KCNN2: variants seen among roughly 807,000 people sequenced by gnomAD.
The protein encoded by KCNN2 is potassium calcium-activated channel subfamily N member 2.
Under a neutral mutation model 55.5 loss-of-function variants are expected in KCNN2, and 24 were observed. That is an observed-to-expected ratio of 0.43 (90% CI 0.31 to 0.61). KCNN2 has a LOEUF of 0.61. Among genes scored for constraint, KCNN2 ranks in the 20% least tolerant of loss-of-function variants. KCNN2 has a pLI of 0.08. For synonymous variants in KCNN2, 431 were observed against 336.1 expected (o/e 1.28, Z -3.09); for missense variants, 754 against 853.6 (o/e 0.88, Z 1.45).
chr5:114,174,884 T>C (rs1216312982), intron 1 of KCNN2, among the ~76,000 whole-genome samples: 2 of 152,192 alleles, frequency 1.3e-5, no homozygotes, highest in Non-Finnish European at 2.9e-5. Flanking sequence ...AAATTATCAT[T>C]TGAGCCCTTA....
At chr5:114,115,344 G>T (rs1207060311) in intron 1 of KCNN2, among the ~76,000 whole-genome samples, 1 of 151,966 alleles carries the variant, frequency 6.6e-6, no homozygotes, top group Non-Finnish European at 1.5e-5. Context: ...TGCTTTTACT[G>T]CTCCTCAGAC....
At chr5:114,298,882 C>G (rs1756092062) in intron 2 of KCNN2, among the ~76,000 whole-genome samples, 1 of 152,074 alleles carries the variant, frequency 6.6e-6, no homozygotes, top group African/African-American at 2.4e-5. Flanking sequence ...TGGGGAATCT[C>G]TGTAACAGGC....
chr5:114,144,117 T>G (rs1394476826), intron 1 of KCNN2, among the ~76,000 whole-genome samples: 1 of 152,242 alleles, frequency 6.6e-6, no homozygotes, highest in Admixed American at 6.5e-5. Context: ...CTTGCTTATG[T>G]CTAAACTTAA....
At chr5:114,491,598 C>A (rs527929877) in intron 6 of KCNN2, among the ~76,000 whole-genome samples, 1 of 140,140 alleles carries the variant, frequency 7.1e-6, no homozygotes, top group Non-Finnish European at 1.5e-5. Context: ...TGATGTTTTT[C>A]TTGCAGTAAT....
At chr5:114,487,280 T>A in intron 6 of KCNN2, 103 bp downstream of exon 6, 1 of 1,007,666 alleles carries the variant, frequency 9.9e-7, no homozygotes, top group Non-Finnish European at 1.5e-6. Flanking sequence ...GAAAACATTG[T>A]CATGTTTATT....
intron 6 of KCNN2, among the ~76,000 whole-genome samples, chr5:114,488,179 T>C (rs568759192): frequency 6.6e-6 from 1 of 152,288 alleles, no homozygotes; most frequent in South Asian, 2.1e-4. Flanking sequence ...TAAATAGATA[T>C]CACTGAAAAT....
intron 2 of KCNN2, among the ~76,000 whole-genome samples, chr5:114,292,624 G>A (rs540453461): frequency 6.3e-4 from 96 of 152,222 alleles, no homozygotes; most frequent in Admixed American, 2.3e-3. Context: ...GTCAGGTAGC[G>A]TGATGCTTCC....
chr5:114,245,319 A>G (rs892580439), intron 2 of KCNN2, among the ~76,000 whole-genome samples: 1 of 152,246 alleles, frequency 6.6e-6, no homozygotes, highest in Middle Eastern at 3.2e-3. Flanking sequence ...GAATGTTAGC[A>G]GGATTATTGA....
intron 5 of KCNN2, among the ~76,000 whole-genome samples, chr5:114,477,090 G>T (rs997809983): frequency 1.4e-5 from 1 of 73,224 alleles, no homozygotes; most frequent in African/African-American, 3.2e-5. Flanking sequence ...CAAACTCAAG[G>T]TTACTACATA....
chr5:114,412,434 C>CT (rs144482555), intron 3 of KCNN2, among the ~76,000 whole-genome samples: 1 of 99,494 alleles, frequency 1.0e-5, no homozygotes, highest in Non-Finnish European at 1.9e-5. Flanking sequence ...GTGATCAACT[C>CT]TGTATCTTAA....
intron 5 of KCNN2, among the ~76,000 whole-genome samples, chr5:114,485,084 T>G (rs934856977): frequency 4.6e-5 from 7 of 152,198 alleles, no homozygotes; most frequent in African/African-American, 1.7e-4. Context: ...ACTTTAGAAA[T>G]AATTTGGCAT....
intron 1 of KCNN2, among the ~76,000 whole-genome samples, chr5:114,159,797 G>A (rs917916368): frequency 6.6e-6 from 1 of 152,204 alleles, no homozygotes; most frequent in African/African-American, 2.4e-5. Flanking sequence ...GCGTAGAGGT[G>A]TTTATAGTAT....
chr5:114,363,107 A>T lies in KCNN2; in HGVS notation c.968A>T (p.Lys323Ile). The change falls in exon 1 of 8, where the codon AAA (lysine) becomes ATA (isoleucine). Residue 323 changes from lysine to isoleucine, a missense_variant. By Grantham distance (102) the Lys-to-Ile change is moderately radical (BLOSUM62 -3). This residue lies in a region of KCNN2 where 381 missense variants were observed against 259.1 expected (regional missense o/e 1.47). Transcript: ENST00000673685. ...HGSSSGTKSS[K>I]KKNQNIGYKL... ...AGCAGCAGTGGCACCAAGTCCAGCA[A>T]AAAGAAAAACCAGAACATCGGCTAC... The T allele has an allele frequency of 6.2e-7, 1 of 1,613,204 alleles. No individual in the cohort carries two copies. The highest frequency in any genetic ancestry group is 2.2e-5 in the East Asian group (1 of 44,852).
intron 2 of KCNN2, among the ~76,000 whole-genome samples, chr5:114,276,465 G>A (rs1219930281): frequency 6.6e-6 from 1 of 151,864 alleles, no homozygotes; most frequent in Non-Finnish European, 1.5e-5. Flanking sequence ...TGGGAGTCTG[G>A]GTCTCTTTTT....
intron 2 of KCNN2, among the ~76,000 whole-genome samples, chr5:114,278,522 T>A (rs1466983322): frequency 6.6e-6 from 1 of 152,238 alleles, no homozygotes; most frequent in African/African-American, 2.4e-5. Flanking sequence ...CAAGCTTCCC[T>A]GCTGCTTTGT....
At chr5:114,204,348 G>A (rs1402252317) in intron 1 of KCNN2, among the ~76,000 whole-genome samples, 1 of 152,094 alleles carries the variant, frequency 6.6e-6, no homozygotes, top group Admixed American at 6.6e-5. Flanking sequence ...CACTTTTCCA[G>A]CTACTGAAGA....
chr5:114,324,010 A>T (rs1756667724), intron 2 of KCNN2, among the ~76,000 whole-genome samples: 1 of 152,200 alleles, frequency 6.6e-6, no homozygotes, highest in Non-Finnish European at 1.5e-5. Context: ...AAAATATTAA[A>T]TGTTATTACT....
chr5:114,132,446 G>A (rs1752090198), intron 1 of KCNN2, among the ~76,000 whole-genome samples: 2 of 151,994 alleles, frequency 1.3e-5, no homozygotes, highest in African/African-American at 4.8e-5. Context: ...GTTGTAGATG[G>A]GCTATCTTAT....
chr5:114,389,900 T>G (rs547695247), intron 2 of KCNN2, among the ~76,000 whole-genome samples: 81 of 152,244 alleles, frequency 5.3e-4, no homozygotes, highest in Non-Finnish European at 9.9e-4. Flanking sequence ...GCTTCCAACT[T>G]TTCAGTACAG....
Sources: allele counts gnomAD v4.1 joint callset (sites outside exome capture counted in the v4.1 genomes callset), GRCh38; gene constraint gnomAD v4.1.1; regional missense constraint gnomAD v4.1.1; transcripts MANE v1.5; gene names NCBI Gene and HGNC (gene_info 2026-07-23, HGNC 2026-07-21).